The following FBXL7 variants were observed in gnomAD, a reference collection of about 807,000 sequenced individuals.
FBXL7 encodes the protein F-box/LRR-repeat protein 7.
FBXL7 carries 12 observed loss-of-function variants against 38.3 expected under a neutral mutation model. The ratio of observed to expected loss-of-function variants is 0.31; its 90% CI spans 0.20 to 0.51. The LOEUF is 0.51. Ranked by LOEUF, FBXL7 falls within the 20% of genes least tolerant of loss-of-function variation. The pLI, the probability that FBXL7 is intolerant of heterozygous loss-of-function variation, is 0.98. For missense variants in FBXL7, 567 were observed against 676.4 expected, an observed-to-expected ratio of 0.84 and a Z score of 1.79; for synonymous variants, 297 against 300.9, an observed-to-expected ratio of 0.99 and a Z score of 0.13.
intron 2 of FBXL7, among the ~76,000 whole-genome samples, chr5:15,811,477 T>G (rs1461686180): frequency 6.6e-6 from 1 of 152,104 alleles, no homozygotes; most frequent in African/African-American, 2.4e-5. Flanking sequence ...CATATTGGAT[T>G]AGGGCCCATC....
At chr5:15,913,798 G>A (rs969004851) in intron 2 of FBXL7, among the ~76,000 whole-genome samples, 3 of 152,176 alleles carry the variant, frequency 2.0e-5, no homozygotes, top group Non-Finnish European at 2.9e-5. Flanking sequence ...ACAAGAAAGA[G>A]CTGGCTCCTT....
chr5:15,813,316 GA>G (rs940975785), intron 2 of FBXL7, among the ~76,000 whole-genome samples: 1 of 152,064 alleles, frequency 6.6e-6, no homozygotes, highest in African/African-American at 2.4e-5. Context: ...ACAAAAACAA[GA>G]AATGGGGAAA....
At chr5:15,821,278 A>T (rs1186758320) in intron 2 of FBXL7, among the ~76,000 whole-genome samples, 1 of 152,104 alleles carries the variant, frequency 6.6e-6, no homozygotes, top group African/African-American at 2.4e-5. Context: ...TTATAAATTA[A>T]TTTTTTTAGG....
chr5:15,777,364 T>C (rs536705148), intron 2 of FBXL7, among the ~76,000 whole-genome samples: 198 of 152,112 alleles, frequency 1.3e-3, no homozygotes, highest in African/African-American at 4.6e-3. Flanking sequence ...CCAAAAAGTG[T>C]TTATGCTTGA....
At chr5:15,813,140 G>T (rs991130023) in intron 2 of FBXL7, among the ~76,000 whole-genome samples, 1 of 152,028 alleles carries the variant, frequency 6.6e-6, no homozygotes, top group Non-Finnish European at 1.5e-5. Context: ...TTGCCTGATT[G>T]CCCTGGACAG....
intron 2 of FBXL7, among the ~76,000 whole-genome samples, chr5:15,885,557 G>T (rs1349471409): frequency 6.6e-6 from 1 of 152,110 alleles, no homozygotes; most frequent in Non-Finnish European, 1.5e-5. Flanking sequence ...AGGACAAAAT[G>T]AAATGTGGAA....
chr5:15,932,044 C>T (rs566069856), intron 3 of FBXL7, among the ~76,000 whole-genome samples: 2 of 152,244 alleles, frequency 1.3e-5, no homozygotes, highest in South Asian at 2.1e-4. Context: ...TTCATTTTTG[C>T]ACTTTTATGA....
intron 2 of FBXL7, among the ~76,000 whole-genome samples, chr5:15,726,983 G>A (rs981680737): frequency 3.3e-5 from 5 of 151,304 alleles, no homozygotes; most frequent in Non-Finnish European, 1.5e-5. Context: ...ATATCCTTTT[G>A]TTGTGTATTC....
chr5:15,744,115 G>A (rs1735956494), intron 2 of FBXL7, among the ~76,000 whole-genome samples: 1 of 152,230 alleles, frequency 6.6e-6, no homozygotes, highest in Non-Finnish European at 1.5e-5. Flanking sequence ...TTTGCCCATT[G>A]TCTTGGTGAT....
At chr5:15,687,750 T>G (rs1203526432) in intron 2 of FBXL7, among the ~76,000 whole-genome samples, 1 of 152,204 alleles carries the variant, frequency 6.6e-6, no homozygotes, top group Non-Finnish European at 1.5e-5. Context: ...TCCTTGTAGA[T>G]TTAAAAAATA....
intron 1 of FBXL7, among the ~76,000 whole-genome samples, chr5:15,508,332 A>G (rs1232808722): frequency 6.6e-6 from 1 of 152,204 alleles, no homozygotes; most frequent in African/African-American, 2.4e-5. Context: ...AAAATCATTA[A>G]GTTGGGACAT....
At chr5:15,518,937 A>G (rs575014) in intron 1 of FBXL7, among the ~76,000 whole-genome samples, 10,275 of 152,240 alleles carry the variant, frequency 0.067, 1,008 homozygotes, top group African/African-American at 0.22. Context: ...AAACAATGAC[A>G]AATGAAACGT....
chr5:15,619,136 T>G (rs1561054726), intron 2 of FBXL7, among the ~76,000 whole-genome samples: 1 of 152,174 alleles, frequency 6.6e-6, no homozygotes, highest in African/African-American at 2.4e-5. Context: ...GCAGTGTGTT[T>G]AGGGAGTTGT....
intron 1 of FBXL7, among the ~76,000 whole-genome samples, chr5:15,535,119 G>T (rs945258367): frequency 6.6e-6 from 1 of 152,200 alleles, no homozygotes; most frequent in African/African-American, 2.4e-5. Flanking sequence ...CTTCTGCCAT[G>T]ATTGTAAGTT....
intron 2 of FBXL7, among the ~76,000 whole-genome samples, chr5:15,831,945 G>T (rs576507607): frequency 6.6e-6 from 1 of 151,982 alleles, no homozygotes; most frequent in Non-Finnish European, 1.5e-5. Context: ...CTCTTCCAAG[G>T]ATGGGAAGTC....
intron 2 of FBXL7, among the ~76,000 whole-genome samples, chr5:15,680,682 C>T (rs1217838904): frequency 6.6e-6 from 1 of 152,142 alleles, no homozygotes; most frequent in Non-Finnish European, 1.5e-5. Flanking sequence ...GAGTGTGAGC[C>T]AGCTTTAATC....
intron 2 of FBXL7, among the ~76,000 whole-genome samples, chr5:15,884,985 T>G (rs1740617519): frequency 6.6e-6 from 1 of 152,300 alleles, no homozygotes; most frequent in East Asian, 1.9e-4. Context: ...TACCCCAAAC[T>G]TGGGTGACTT....
chr5:15,554,520 C>G (rs1738175711), intron 1 of FBXL7, among the ~76,000 whole-genome samples: 1 of 152,136 alleles, frequency 6.6e-6, no homozygotes, highest in Admixed American at 6.6e-5. Context: ...TCCCTTTTGT[C>G]AGATGAGAAA....
chr5:15,620,449 C>T (rs1415046008), intron 2 of FBXL7, among the ~76,000 whole-genome samples: 2 of 149,832 alleles, frequency 1.3e-5, no homozygotes, highest in Admixed American at 6.7e-5. Flanking sequence ...GGGGTTTCAC[C>T]ATGTTAGCCA....
Sources: gnomAD v4.1 joint callset for allele counts (sites outside exome capture counted in the v4.1 genomes callset) on GRCh38, gnomAD v4.1.1 for gene constraint, MANE v1.5 for transcripts, NCBI Gene and HGNC (gene_info 2026-07-23, HGNC 2026-07-21) for gene names.